PDGFD: variants seen among roughly 807,000 people sequenced by gnomAD.
The protein encoded by PDGFD is platelet-derived growth factor D.
In PDGFD, 30 loss-of-function variants were observed where a neutral mutation model predicts 44.7. The ratio of observed to expected loss-of-function variants is 0.67; its 90% CI spans 0.50 to 0.91. The LOEUF is 0.91. Ranked by LOEUF, PDGFD falls within the 40% of genes least tolerant of loss-of-function variation. PDGFD has a pLI of 0.00. For synonymous variants in PDGFD, 173 were observed against 168.4 expected, an observed-to-expected ratio of 1.03 and a Z score of -0.21; for missense variants, 445 against 457.8, an observed-to-expected ratio of 0.97 and a Z score of 0.25.
intron 1 of PDGFD, among the ~76,000 whole-genome samples, chr11:104,063,307 C>T (rs928427930): frequency 6.0e-5 from 9 of 150,106 alleles, no homozygotes; most frequent in African/African-American, 1.7e-4. Context: ...CTGTTTTAGA[C>T]GTGTGTGTGT....
chr11:104,120,398 C>T (rs575273810), intron 1 of PDGFD, among the ~76,000 whole-genome samples: 1 of 151,990 alleles, frequency 6.6e-6, no homozygotes, highest in African/African-American at 2.4e-5. Context: ...GTTAATCCTA[C>T]TTAAATTCCT....
chr11:104,055,880 C>T (rs553976862), intron 1 of PDGFD, among the ~76,000 whole-genome samples: 1 of 152,068 alleles, frequency 6.6e-6, no homozygotes, highest in East Asian at 1.9e-4. Flanking sequence ...AGGAGAAAAA[C>T]AAAAAACAAG....
At chr11:104,093,304 G>GCACA (rs148019515) in intron 1 of PDGFD, among the ~76,000 whole-genome samples, 2 of 150,760 alleles carry the variant, frequency 1.3e-5, no homozygotes, top group Non-Finnish European at 3.0e-5. Context: ...AAGGGTCAGT[G>GCACA]CACACACACA....
rs920857921 is a variant in PDGFD, at chr11:103,907,612, T to A, written c.*2082A>T. On this transcript the variant is annotated 3_prime_UTR_variant, in exon 7 of 7. Coordinates refer to ENST00000393158, the MANE Select transcript of PDGFD (RefSeq NM_025208.5). ...TAAAAAGTGCAGATAGGGCTTTAACTGAAAACCTTGCTGGTTATTGCAGCC... is the reference window on the plus strand; with the variant it reads ...TAAAAAGTGCAGATAGGGCTTTAACAGAAAACCTTGCTGGTTATTGCAGCC... 1 of 152,222 alleles carries A rather than the reference T, an allele frequency of 6.6e-6. No individual in the cohort carries two copies. The highest frequency in any genetic ancestry group is 2.4e-5 in the African/African-American group (1 of 41,456). The allele number at this position is 152,222 out of a possible 1,614,324, so 9.4% of individuals were successfully genotyped here. A position where few individuals can be genotyped will look rare whatever the true frequency, so the allele number is the denominator to read the frequency against.
chr11:104,103,181 C>T (rs956178552), intron 1 of PDGFD, among the ~76,000 whole-genome samples: 1 of 152,078 alleles, frequency 6.6e-6, no homozygotes, highest in African/African-American at 2.4e-5. Context: ...TTCATAATTT[C>T]CACCTCATAG....
At chr11:103,921,432 C>A (rs1246886232) in intron 6 of PDGFD, among the ~76,000 whole-genome samples, 1 of 151,986 alleles carries the variant, frequency 6.6e-6, no homozygotes, top group East Asian at 1.9e-4. Flanking sequence ...AAGTACTATT[C>A]TTTTACCTCA....
At chr11:103,962,127 G>C (rs1245727102) in intron 3 of PDGFD, among the ~76,000 whole-genome samples, 1 of 152,228 alleles carries the variant, frequency 6.6e-6, no homozygotes, top group South Asian at 2.1e-4. Context: ...ATTCGGTGCC[G>C]TTGGTTTGGA....
At chr11:104,012,785 A>C (rs557083862) in intron 1 of PDGFD, among the ~76,000 whole-genome samples, 1 of 152,232 alleles carries the variant, frequency 6.6e-6, no homozygotes, top group East Asian at 1.9e-4. Flanking sequence ...GAAATCTGGG[A>C]AAATGAACTT....
chr11:103,959,457 T>TCATA (rs1464234731), intron 3 of PDGFD, among the ~76,000 whole-genome samples: 1 of 152,168 alleles, frequency 6.6e-6, no homozygotes, highest in Non-Finnish European at 1.5e-5. Context: ...AGCATAGGAC[T>TCATA]CATACCCTTG....
chr11:104,153,686 A>C (rs1862272008), intron 1 of PDGFD, among the ~76,000 whole-genome samples: 1 of 152,192 alleles, frequency 6.6e-6, no homozygotes, highest in African/African-American at 2.4e-5. Context: ...TATGTTACAA[A>C]CTAATTACTT....
chr11:103,974,133 T>C (rs1859146243), intron 3 of PDGFD, among the ~76,000 whole-genome samples: 1 of 152,076 alleles, frequency 6.6e-6, no homozygotes, highest in Admixed American at 6.5e-5. Flanking sequence ...AAAGGGCTCA[T>C]AGGGGAAGAT....
chr11:103,944,830 TA>T (rs1858645862), intron 4 of PDGFD, among the ~76,000 whole-genome samples: 1 of 152,204 alleles, frequency 6.6e-6, no homozygotes, highest in Admixed American at 6.5e-5. Flanking sequence ...TTTAAAGCAT[TA>T]ATCTACCATT....
intron 1 of PDGFD, among the ~76,000 whole-genome samples, chr11:104,044,285 G>C (rs10750683): frequency 0.44 from 66,404 of 151,924 alleles, 15,452 homozygotes; most frequent in Admixed American, 0.56. Context: ...TTAGTCTAAC[G>C]ATCATAAGTT....
At chr11:103,944,085 C>T (rs1175250903) in intron 4 of PDGFD, among the ~76,000 whole-genome samples, 2 of 152,132 alleles carry the variant, frequency 1.3e-5, no homozygotes, top group Non-Finnish European at 2.9e-5. Flanking sequence ...GTTCCACATT[C>T]CCCCTTTACA....
Position 103,913,394 on chromosome 11 carries a change from A to G in PDGFD, c.988-3575T>C, listed in dbSNP as rs1211723699. Among the ~76,000 whole-genome samples, 5 of 152,212 alleles carry G rather than the reference A, an allele frequency of 3.3e-5. No individual in the cohort carries two copies. The South Asian group carries it at 1.0e-3, about 31-fold the overall frequency. The stretch of plus-strand genomic sequence containing the variant: ...ATGGAAACTGAACAACCTGCTCCTG[A>G]ATGACTACTGGGTAAATAACAAAAT... On this transcript the variant is annotated intron_variant, in intron 6 of 6. Coordinates refer to ENST00000393158, the MANE Select transcript of PDGFD (RefSeq NM_025208.5).
At chr11:104,049,837 C>T (rs1354860025) in intron 1 of PDGFD, among the ~76,000 whole-genome samples, 2 of 151,986 alleles carry the variant, frequency 1.3e-5, no homozygotes, top group Non-Finnish European at 2.9e-5. Flanking sequence ...TTGGTAACTT[C>T]GACAAGAGTG....
chr11:103,953,059 A>C (rs1858782232), intron 3 of PDGFD, among the ~76,000 whole-genome samples: 1 of 152,200 alleles, frequency 6.6e-6, no homozygotes, highest in Non-Finnish European at 1.5e-5. Context: ...ATATTTATGT[A>C]AGTGTAGTGT....
rs72977105 is a variant in PDGFD at position 104,100,116 on chromosome 11, T to A, written c.124+63688A>T. Among the ~76,000 whole-genome samples, 492 of 152,224 alleles carry A rather than the reference T, an allele frequency of 3.2e-3. 1 individual carries two copies. Among genetic ancestry groups the A allele is most frequent in the Non-Finnish European group, 5.4e-3 (368 of 68,008 alleles). ...AAGGGTTAATCTTTTCCCTTAAGCA[T>A]TTCCACCACTTGAATCCTCAGGAGC... is the stretch of plus-strand genomic sequence containing the variant. On this transcript the variant is annotated intron_variant, in intron 1 of 6. Transcript: ENST00000393158.
Position 103,909,681 on chromosome 11 carries a change from T to C in PDGFD, c.*13A>G. ...GGTTCTTTCAGGCTTAATGTAAGGA[T>C]GTGCACATTCTCTTATCGAGGTGGT... On this transcript the variant is annotated 3_prime_UTR_variant, in exon 7 of 7. Coordinates refer to ENST00000393158, the MANE Select transcript of PDGFD (RefSeq NM_025208.5). 6.2e-7 allele frequency: 1 copy of C among 1,614,046 alleles called. No homozygotes were observed. The highest frequency in any genetic ancestry group is 8.5e-7 in the Non-Finnish European group (1 of 1,179,872).
Sources: gnomAD v4.1 joint callset for allele counts (sites outside exome capture counted in the v4.1 genomes callset) on GRCh38, gnomAD v4.1.1 for gene constraint, MANE v1.5 for transcripts, NCBI Gene and HGNC (gene_info 2026-07-23, HGNC 2026-07-21) for gene names.